The following NPAS2 variants were observed in gnomAD, a reference collection of about 807,000 sequenced individuals.
The protein encoded by NPAS2 is neuronal PAS domain-containing protein 2.
A neutral mutation model predicts 107.5 loss-of-function variants in NPAS2; 23 were observed. That is an observed-to-expected ratio of 0.21 (90% confidence interval 0.15 to 0.30). The LOEUF is 0.30. Ranked by LOEUF, NPAS2 falls within the 10% of genes least tolerant of loss-of-function variation. The pLI is 1.00. For synonymous variants in NPAS2, 403 were observed against 417.5 expected (o/e 0.97, Z 0.42); for missense variants, 756 against 1,043.3 (o/e 0.72, Z 3.79).
intron 15 of NPAS2, among the ~76,000 whole-genome samples, chr2:100,978,751 A>G (rs1004115249): frequency 4.6e-5 from 7 of 152,228 alleles, no homozygotes; most frequent in Non-Finnish European, 7.3e-5. Context: ...GCGTTTTTAT[A>G]GAACCGTGAA....
At chr2:100,973,134 G>A (rs1463027861) in intron 12 of NPAS2, among the ~76,000 whole-genome samples, 1 of 151,794 alleles carries the variant, frequency 6.6e-6, no homozygotes, top group Non-Finnish European at 1.5e-5. Flanking sequence ...AGCCGAGATT[G>A]CGCCATTGCA....
intron 1 of NPAS2, among the ~76,000 whole-genome samples, chr2:100,849,466 C>T (rs2104462553): frequency 6.6e-6 from 1 of 152,180 alleles, no homozygotes; most frequent in South Asian, 2.1e-4. Flanking sequence ...GTTGGTTTCA[C>T]CTCCCAGGTC....
chr2:100,963,928 T>G, intron 7 of NPAS2, 130 bp from the exon 8 acceptor site: 1 of 590,860 alleles, frequency 1.7e-6, no homozygotes. Context: ...GTTGTGAAAA[T>G]GAAATGAGTT....
rs1249619602 is a variant in NPAS2 at position 100,992,271 on chromosome 2, C to T, written c.2112-1076C>T. Among the ~76,000 whole-genome samples, 20 of 152,264 alleles carry T rather than the reference C, an allele frequency of 1.3e-4. No individual in the cohort carries two copies. In the East Asian group the frequency reaches 3.3e-3, roughly 25 times the overall value. On this transcript the variant is annotated intron_variant, in intron 19 of 20. Coordinates refer to ENST00000335681, the MANE Select transcript of NPAS2 (RefSeq NM_002518.4). Reference sequence around the variant, plus strand: ...CTCTACTAAAAATACAAAAATTAGCCGGGTGTGGTGGCACGTGCCTGTAAT... The same window carrying T: ...CTCTACTAAAAATACAAAAATTAGCTGGGTGTGGTGGCACGTGCCTGTAAT...
At chr2:100,936,244 C>G (rs1684291316) in intron 4 of NPAS2, among the ~76,000 whole-genome samples, 1 of 152,238 alleles carries the variant, frequency 6.6e-6, no homozygotes, top group South Asian at 2.1e-4. Flanking sequence ...CGGGTTCCCG[C>G]TGCCATGCAC....
intron 1 of NPAS2, among the ~76,000 whole-genome samples, chr2:100,861,279 T>G (rs1678925250): frequency 6.6e-6 from 1 of 152,092 alleles, no homozygotes; most frequent in South Asian, 2.1e-4. Flanking sequence ...AGGAGCACAT[T>G]GAAGAGAAGC....
intron 1 of NPAS2, among the ~76,000 whole-genome samples, chr2:100,835,521 G>A (rs879575081): frequency 6.6e-6 from 1 of 152,138 alleles, no homozygotes; most frequent in Admixed American, 6.5e-5. Flanking sequence ...AAAGAGGAAC[G>A]CTTGCAGGAA....
intron 7 of NPAS2, among the ~76,000 whole-genome samples, chr2:100,956,731 G>GTGAGA (rs1230306626): frequency 6.6e-6 from 1 of 152,154 alleles, no homozygotes; most frequent in Non-Finnish European, 1.5e-5. Context: ...AAAGGGTGAG[G>GTGAGA]CTGAGCTGGA....
chr2:100,959,101 A>AC (rs1172881911), intron 7 of NPAS2, among the ~76,000 whole-genome samples: 217 of 99,460 alleles, frequency 2.2e-3, no homozygotes, highest in African/African-American at 9.4e-3. Context: ...AAAAAAAAAA[A>AC]AAAAAAAACA....
intron 5 of NPAS2, among the ~76,000 whole-genome samples, chr2:100,940,752 CA>C (rs1435302743): frequency 9.2e-5 from 14 of 152,220 alleles, no homozygotes; most frequent in African/African-American, 3.4e-4. Flanking sequence ...GATTTGAACT[CA>C]GGCACTTTGG....
intron 5 of NPAS2, among the ~76,000 whole-genome samples, chr2:100,941,306 G>A (rs1674562990): frequency 6.6e-6 from 1 of 152,224 alleles, no homozygotes; most frequent in South Asian, 2.1e-4. Context: ...GCTCACGCCT[G>A]TAATCTCTGC....
chr2:100,914,918 T>C (rs1347853044), intron 2 of NPAS2, among the ~76,000 whole-genome samples: 1 of 151,774 alleles, frequency 6.6e-6, no homozygotes, highest in African/African-American at 2.4e-5. Flanking sequence ...CAGCAGCGAG[T>C]TCACCATTTT....
At chr2:100,985,433 G>A (rs1677725006) in intron 16 of NPAS2, 1 of 152,240 alleles carries the variant, frequency 6.6e-6, no homozygotes, top group Non-Finnish European at 1.5e-5. Flanking sequence ...ACAGGGCAGG[G>A]TTTCTACTGT....
chr2:100,922,804 C>T (rs755908332), intron 2 of NPAS2, among the ~76,000 whole-genome samples: 2 of 152,148 alleles, frequency 1.3e-5, no homozygotes, highest in African/African-American at 2.4e-5. Flanking sequence ...CAGCCGGAGG[C>T]GGATGGAAAC....
At chr2:100,927,984 C>T (rs556335071) in intron 3 of NPAS2, among the ~76,000 whole-genome samples, 20 of 152,298 alleles carry the variant, frequency 1.3e-4, no homozygotes, top group African/African-American at 4.8e-4. Context: ...TTCTTCCATG[C>T]AGGCAGTGAT....
chr2:100,991,809 C>T (rs539033479), intron 19 of NPAS2, among the ~76,000 whole-genome samples: 3 of 152,300 alleles, frequency 2.0e-5, no homozygotes, highest in East Asian at 1.9e-4. Flanking sequence ...ATTACATTCT[C>T]GAAGGCCACA....
chr2:100,952,458 G>T (rs2105070738), intron 7 of NPAS2, among the ~76,000 whole-genome samples: 1 of 152,250 alleles, frequency 6.6e-6, no homozygotes, highest in East Asian at 1.9e-4. Context: ...CAGCTACTCG[G>T]GAGGCTGAGG....
intron 1 of NPAS2, chr2:100,877,933 A>G (rs1012466363): frequency 2.0e-6 from 2 of 978,018 alleles, no homozygotes; most frequent in East Asian, 1.1e-4. Context: ...CAAACAGTAA[A>G]CATGGCTGAA....
chr2:100,870,420 G>A (rs1573507615), intron 1 of NPAS2, among the ~76,000 whole-genome samples: 1 of 151,896 alleles, frequency 6.6e-6, no homozygotes, highest in Non-Finnish European at 1.5e-5. Flanking sequence ...TTTTGAGACA[G>A]GGTCTTGCTC....
Sources: gnomAD v4.1 joint callset for allele counts (sites outside exome capture counted in the v4.1 genomes callset) on GRCh38, gnomAD v4.1.1 for gene constraint, MANE v1.5 for transcripts, NCBI Gene and HGNC (gene_info 2026-07-23, HGNC 2026-07-21) for gene names.